Variants in DOCK3 observed in about 807,000 individuals in gnomAD.
DOCK3 encodes dedicator of cytokinesis protein 3.
DOCK3 carries 60 observed loss-of-function variants against 265.6 expected under a neutral mutation model. That is an observed-to-expected ratio of 0.23 (90% CI 0.18 to 0.28). DOCK3 has a LOEUF of 0.28. DOCK3 is among the 10% of genes least tolerant of loss of function. The pLI is 1.00. For missense variants in DOCK3, 1,981 were observed against 2,594.3 expected (o/e 0.76, Z 5.14); for synonymous variants, 881 against 938.0 (o/e 0.94, Z 1.11).
At position 51,275,201 on chromosome 3, in the gene DOCK3, T is replaced by A. The variant is rs1397074945; in HGVS notation, c.2671T>A (p.Ser891Thr). ...GSIFSIVKTS[S>T]LEADVMEEVE... ...CATCTTCTCCATCGTCAAGACCAGCTCTCTGGTAGTGGCCCCACACCCACT... is the reference window on the plus strand; with the variant it reads ...CATCTTCTCCATCGTCAAGACCAGCACTCTGGTAGTGGCCCCACACCCACT... The change falls in exon 25 of 53, where the codon TCT (serine) becomes ACT (threonine). Residue 891 changes from serine to threonine, a missense_variant. This residue lies in a region of DOCK3 where 1,357 missense variants were observed against 1,866.8 expected (regional missense o/e 0.73). Coordinates refer to ENST00000266037, the MANE Select transcript of DOCK3 (RefSeq NM_004947.5). The A allele has an allele frequency of 6.2e-7, 1 of 1,613,940 alleles. No homozygotes were observed. The highest frequency in any genetic ancestry group is 2.2e-5 in the East Asian group (1 of 44,878).
At chr3:50,767,206 T>C (rs984644614) in intron 1 of DOCK3, among the ~76,000 whole-genome samples, 3 of 152,200 alleles carry the variant, frequency 2.0e-5, no homozygotes, top group African/African-American at 7.2e-5. Context: ...GCCTATGTCC[T>C]GAATGGTATT....
At chr3:51,227,888 G>T in intron 16 of DOCK3, 94 bp from the exon 17 acceptor site, 2 of 1,236,898 alleles carry the variant, frequency 1.6e-6, no homozygotes, top group Non-Finnish European at 2.3e-6. Context: ...AAGAGGCGAG[G>T]AACAAAAGAG....
intron 1 of DOCK3, among the ~76,000 whole-genome samples, chr3:50,703,572 C>T (rs2609038): frequency 6.6e-6 from 1 of 150,912 alleles, no homozygotes; most frequent in Non-Finnish European, 1.5e-5. Flanking sequence ...TTTATGTGTC[C>T]AAGAATTTAG....
At chr3:50,941,175 A>G (rs2076284005) in intron 5 of DOCK3, among the ~76,000 whole-genome samples, 1 of 152,152 alleles carries the variant, frequency 6.6e-6, no homozygotes, top group Admixed American at 6.5e-5. Context: ...TTATATATCC[A>G]TCAAAAGATT....
intron 5 of DOCK3, among the ~76,000 whole-genome samples, chr3:51,044,788 A>T (rs1157500744): frequency 1.3e-5 from 2 of 152,066 alleles, no homozygotes; most frequent in Non-Finnish European, 2.9e-5. Flanking sequence ...TGGAGATACC[A>T]TCTTTCTTTA....
At chr3:51,152,680 G>A (rs760665773) in intron 10 of DOCK3, among the ~76,000 whole-genome samples, 1 of 152,174 alleles carries the variant, frequency 6.6e-6, no homozygotes, top group Non-Finnish European at 1.5e-5. Context: ...TGGGGTTTTG[G>A]TGTTGATGTC....
intron 2 of DOCK3, among the ~76,000 whole-genome samples, chr3:50,802,444 A>C (rs2043122113): frequency 6.6e-6 from 1 of 152,106 alleles, no homozygotes; most frequent in African/African-American, 2.4e-5. Flanking sequence ...ATTTCTTGCA[A>C]GATCAGTTTA....
intron 23 of DOCK3, among the ~76,000 whole-genome samples, chr3:51,267,577 G>A (rs1169036532): frequency 2.0e-5 from 3 of 151,824 alleles, no homozygotes; most frequent in African/African-American, 7.3e-5. Context: ...TTAGAAATGG[G>A]GTTTCATCCT....
At chr3:50,849,035 C>CT (rs908936849) in intron 3 of DOCK3, among the ~76,000 whole-genome samples, 1 of 151,290 alleles carries the variant, frequency 6.6e-6, no homozygotes, top group African/African-American at 2.4e-5. Context: ...GCTCAAAAAA[C>CT]TTTTTTTTTC....
At chr3:50,976,689 G>A (rs2077463250) in intron 5 of DOCK3, among the ~76,000 whole-genome samples, 1 of 151,870 alleles carries the variant, frequency 6.6e-6, no homozygotes. Flanking sequence ...TTCAATTGCT[G>A]GGTATCCTTG....
At chr3:50,799,422 T>A (rs573156951) in intron 2 of DOCK3, among the ~76,000 whole-genome samples, 2 of 152,296 alleles carry the variant, frequency 1.3e-5, no homozygotes, top group East Asian at 3.9e-4. Context: ...CTTGTAGAGA[T>A]CTTTCACCTC....
chr3:51,049,954 A>T (rs1262098458), intron 5 of DOCK3, among the ~76,000 whole-genome samples: 1 of 152,162 alleles, frequency 6.6e-6, no homozygotes, highest in Non-Finnish European at 1.5e-5. Flanking sequence ...AGAAAATCCC[A>T]TTTACAATAG....
At chr3:50,831,657 C>A (rs2045181785) in intron 2 of DOCK3, among the ~76,000 whole-genome samples, 1 of 152,100 alleles carries the variant, frequency 6.6e-6, no homozygotes, top group Non-Finnish European at 1.5e-5. Context: ...GGTTCCAAGT[C>A]TTTGCTATTG....
chr3:50,866,559 G>A (rs958492899), intron 3 of DOCK3, among the ~76,000 whole-genome samples: 3 of 150,744 alleles, frequency 2.0e-5, no homozygotes, highest in African/African-American at 7.3e-5. Flanking sequence ...TAGTAGTTTT[G>A]TAGTTTGAGG....
chr3:50,982,148 C>A (rs2077717975), intron 5 of DOCK3, among the ~76,000 whole-genome samples: 1 of 152,078 alleles, frequency 6.6e-6, no homozygotes, highest in Non-Finnish European at 1.5e-5. Context: ...TGCCCCTGGC[C>A]TTAGTCTATG....
chr3:50,807,249 C>CTTTTTTTTTT (rs59370167), intron 2 of DOCK3, among the ~76,000 whole-genome samples: 1 of 144,424 alleles, frequency 6.9e-6, no homozygotes, highest in Non-Finnish European at 1.5e-5. Context: ...CTGCCACGCT[C>CTTTTTTTTTT]TTTTTTTTTT....
chr3:51,262,355 A>G (rs1355440125), intron 23 of DOCK3, among the ~76,000 whole-genome samples: 1 of 152,216 alleles, frequency 6.6e-6, no homozygotes, highest in Non-Finnish European at 1.5e-5. Flanking sequence ...TAACAAACAG[A>G]AAGGAATAGC....
At chr3:50,792,754 T>C (rs1216774886) in intron 2 of DOCK3, among the ~76,000 whole-genome samples, 1 of 152,250 alleles carries the variant, frequency 6.6e-6, no homozygotes, top group Admixed American at 6.5e-5. Flanking sequence ...TTGCATACGT[T>C]AGAGCAATCT....
chr3:51,140,683 C>T (rs2085014548), intron 9 of DOCK3, among the ~76,000 whole-genome samples: 1 of 152,036 alleles, frequency 6.6e-6, no homozygotes, highest in African/African-American at 2.4e-5. Context: ...ACTGTTTTTC[C>T]AAAGTGGCAG....
Sources: allele counts gnomAD v4.1 joint callset (sites outside exome capture counted in the v4.1 genomes callset), GRCh38; gene constraint gnomAD v4.1.1; regional missense constraint gnomAD v4.1.1; transcripts MANE v1.5; gene names NCBI Gene and HGNC (gene_info 2026-07-23, HGNC 2026-07-21).